CTNNBIP1: variants seen among roughly 807,000 people sequenced by gnomAD.
CTNNBIP1 encodes the protein beta-catenin-interacting protein 1.
CTNNBIP1 carries 7 observed loss-of-function variants against 11.8 expected under a neutral mutation model. That is an observed-to-expected ratio of 0.60 (90% confidence interval 0.34 to 1.12). CTNNBIP1 has a LOEUF of 1.12. CTNNBIP1 is among the 50% of genes most tolerant of loss of function. The pLI is 0.03. For missense variants in CTNNBIP1, 101 were observed against 113.4 expected (o/e 0.89, Z 0.50); for synonymous variants, 58 against 43.9 (o/e 1.32, Z -1.26).
chr1:9,852,861 G>A (rs1638421325), intron 5 of CTNNBIP1, among the ~76,000 whole-genome samples: 1 of 152,222 alleles, frequency 6.6e-6, no homozygotes, highest in African/African-American at 2.4e-5. Flanking sequence ...GGATGCCCCA[G>A]GAGGGAATGG....
chr1:9,881,942 A>G (rs966719013), intron 2 of CTNNBIP1, among the ~76,000 whole-genome samples: 6 of 152,242 alleles, frequency 3.9e-5, no homozygotes, highest in Admixed American at 3.3e-4. Flanking sequence ...AGAGAAAACC[A>G]CACAAATAAT....
intron 1 of CTNNBIP1, among the ~76,000 whole-genome samples, chr1:9,885,253 T>C (rs750790190): frequency 2.0e-5 from 3 of 152,048 alleles, no homozygotes; most frequent in Non-Finnish European, 4.4e-5. Context: ...TGGCTGAAGG[T>C]CGACATTCCT....
chr1:9,857,538 T>C (rs913510907), intron 5 of CTNNBIP1, among the ~76,000 whole-genome samples: 6 of 149,974 alleles, frequency 4.0e-5, no homozygotes, highest in Non-Finnish European at 8.9e-5. Context: ...GCCTGTAATC[T>C]CTGCACTTTG....
At chr1:9,864,694 C>G (rs1462254147) in intron 5 of CTNNBIP1, among the ~76,000 whole-genome samples, 1 of 152,194 alleles carries the variant, frequency 6.6e-6, no homozygotes, top group Non-Finnish European at 1.5e-5. Flanking sequence ...CCATGGGTGG[C>G]CTTTGCAAAG....
chr1:9,904,266 T>C (rs1474888519), intron 1 of CTNNBIP1, among the ~76,000 whole-genome samples: 1 of 152,142 alleles, frequency 6.6e-6, no homozygotes, highest in Non-Finnish European at 1.5e-5. Flanking sequence ...AAGCGTCCTA[T>C]TTGATTCCCA....
chr1:9,900,925 C>A (rs932436747), intron 1 of CTNNBIP1, among the ~76,000 whole-genome samples: 2 of 152,166 alleles, frequency 1.3e-5, no homozygotes, highest in African/African-American at 4.8e-5. Context: ...TGTGAGCACA[C>A]GCTCAGGAAC....
chr1:9,905,463 C>T (rs1162925884), intron 1 of CTNNBIP1, among the ~76,000 whole-genome samples: 1 of 151,994 alleles, frequency 6.6e-6, no homozygotes. Context: ...TGCTTAGTCG[C>T]CCAGGCTGGA....
chr1:9,890,949 G>A (rs1639288907), intron 1 of CTNNBIP1, among the ~76,000 whole-genome samples: 1 of 152,152 alleles, frequency 6.6e-6, no homozygotes, highest in African/African-American at 2.4e-5. Flanking sequence ...GTTCTGGAGA[G>A]CATGGGTCAC....
intron 2 of CTNNBIP1, among the ~76,000 whole-genome samples, chr1:9,881,329 ATTTTTTTTTTTT>A (rs60318288): frequency 8.1e-5 from 4 of 49,488 alleles, no homozygotes; most frequent in Non-Finnish European, 1.2e-4. Context: ...CAGCCTTGAA[ATTTTTTTTTTTT>A]TTTTTTTTTT....
chr1:9,855,581 A>G (rs769811241), intron 5 of CTNNBIP1, among the ~76,000 whole-genome samples: 8 of 152,196 alleles, frequency 5.3e-5, no homozygotes, highest in African/African-American at 9.7e-5. Flanking sequence ...ATTCACATGC[A>G]CAGGATGAAA....
chr1:9,859,335 C>CA (rs1638575249), intron 5 of CTNNBIP1, among the ~76,000 whole-genome samples: 2 of 152,144 alleles, frequency 1.3e-5, no homozygotes. Flanking sequence ...AGTCAATTGA[C>CA]TGGGGAGAAA....
chr1:9,907,431 A>G (rs1258012201), intron 1 of CTNNBIP1, among the ~76,000 whole-genome samples: 1 of 152,124 alleles, frequency 6.6e-6, no homozygotes, highest in Non-Finnish European at 1.5e-5. Context: ...TTGGCCTCCT[A>G]AAATGTTGGC....
intron 1 of CTNNBIP1, among the ~76,000 whole-genome samples, chr1:9,887,578 C>T (rs919170001): frequency 1.3e-5 from 2 of 152,002 alleles, no homozygotes; most frequent in East Asian, 3.9e-4. Context: ...TGGCACACGC[C>T]TGTAATCCCA....
At chr1:9,907,292 T>C (rs1434073499) in intron 1 of CTNNBIP1, among the ~76,000 whole-genome samples, 3 of 152,206 alleles carry the variant, frequency 2.0e-5, no homozygotes, top group Non-Finnish European at 2.9e-5. Flanking sequence ...TGCCTCAGCC[T>C]CTCGAGTAGC....
chr1:9,868,912 A>G (rs759903215), intron 5 of CTNNBIP1, among the ~76,000 whole-genome samples: 2 of 152,170 alleles, frequency 1.3e-5, no homozygotes, highest in African/African-American at 4.8e-5. Flanking sequence ...CTGGGATTAC[A>G]GGCATGAACC....
chr1:9,899,984 G>T (rs1639490675), intron 1 of CTNNBIP1, among the ~76,000 whole-genome samples: 1 of 151,464 alleles, frequency 6.6e-6, no homozygotes, highest in Non-Finnish European at 1.5e-5. Context: ...TGAGGCAGGA[G>T]AATCCCTTGA....
intron 1 of CTNNBIP1, among the ~76,000 whole-genome samples, chr1:9,906,138 A>G (rs1639615845): frequency 6.6e-6 from 1 of 152,242 alleles, no homozygotes; most frequent in Non-Finnish European, 1.5e-5. Context: ...AAGTATTACT[A>G]TTGTGCATAT....
intron 5 of CTNNBIP1, among the ~76,000 whole-genome samples, chr1:9,869,501 T>C (rs1430296545): frequency 2.0e-5 from 3 of 152,120 alleles, no homozygotes; most frequent in South Asian, 4.1e-4. Flanking sequence ...ACTTTTGTAT[T>C]TTTAGTAGAG....
At chr1:9,858,286 C>T (rs906257091) in intron 5 of CTNNBIP1, among the ~76,000 whole-genome samples, 1 of 152,264 alleles carries the variant, frequency 6.6e-6, no homozygotes, top group African/African-American at 2.4e-5. Flanking sequence ...TCAGCTCCTA[C>T]CATGCCTTTG....
Sources: gnomAD v4.1 joint callset for allele counts (sites outside exome capture counted in the v4.1 genomes callset) on GRCh38, gnomAD v4.1.1 for gene constraint, MANE v1.5 for transcripts, NCBI Gene and HGNC (gene_info 2026-07-23, HGNC 2026-07-21) for gene names.